Variants in AK9 observed in about 807,000 individuals in gnomAD.
The protein encoded by AK9 is adenylate kinase domain containing 1.
Under a neutral mutation model 239.6 loss-of-function variants are expected in AK9, and 191 were observed. The ratio of observed to expected loss-of-function variants is 0.80; its 90% CI spans 0.71 to 0.90. The LOEUF (loss-of-function observed/expected upper bound fraction) is 0.90. AK9 is among the 40% of genes least tolerant of loss of function. The pLI, the probability that AK9 is intolerant of heterozygous loss-of-function variation, is 0.00. For missense variants in AK9, 1,995 were observed against 2,214.7 expected (o/e 0.90, Z 1.99); for synonymous variants, 689 against 721.0 (o/e 0.96, Z 0.71).
At chr6:109,685,112 C>A (rs192835683) in intron 1 of AK9, among the ~76,000 whole-genome samples, 1 of 151,928 alleles carries the variant, frequency 6.6e-6, no homozygotes, top group Admixed American at 6.6e-5. Context: ...GAAATAGAGA[C>A]GCTTTTACAC....
At chr6:109,570,307 C>G (rs1409615326) in intron 21 of AK9, among the ~76,000 whole-genome samples, 1 of 151,924 alleles carries the variant, frequency 6.6e-6, no homozygotes, top group Non-Finnish European at 1.5e-5. Flanking sequence ...GGAGGGATAG[C>G]ATTAGGAGGT....
At chr6:109,564,938 T>G in intron 21 of AK9, 93 bp from the exon 22 acceptor site, 4 of 927,384 alleles carry the variant, frequency 4.3e-6, no homozygotes, top group Middle Eastern at 2.4e-4. Flanking sequence ...AAATATAGCT[T>G]AAATTGTATA....
chr6:109,506,251 AATTACAGT>A (rs1778107159), intron 35 of AK9, 68 bp downstream of exon 35: 3 of 1,353,008 alleles, frequency 2.2e-6, no homozygotes, highest in Non-Finnish European at 3.1e-6. Flanking sequence ...AAATGGAATG[AATTACAGT>A]AACATGAGTC....
At chr6:109,611,554 T>C (rs1793584762) in intron 16 of AK9, among the ~76,000 whole-genome samples, 1 of 151,032 alleles carries the variant, frequency 6.6e-6, no homozygotes, top group South Asian at 2.1e-4. Context: ...GCAGAGTTTG[T>C]GTGTGTGTGT....
At chr6:109,542,307 G>T in intron 26 of AK9, 136 bp from the exon 27 acceptor site, 1 of 787,406 alleles carries the variant, frequency 1.3e-6, no homozygotes, top group Non-Finnish European at 2.0e-6. Context: ...CACAGGCAGG[G>T]AAGGGTGTGT....
chr6:109,502,336 C>G (rs1036402212), intron 35 of AK9, among the ~76,000 whole-genome samples: 1 of 152,116 alleles, frequency 6.6e-6, no homozygotes, highest in Admixed American at 6.5e-5. Context: ...CACAAACAGA[C>G]AGATACGGAA....
chr6:109,661,252 A>G (rs2128317778), intron 6 of AK9, among the ~76,000 whole-genome samples: 1 of 152,330 alleles, frequency 6.6e-6, no homozygotes, highest in East Asian at 1.9e-4. Flanking sequence ...GACTTTATTC[A>G]CTACATTAAG....
At chr6:109,676,630 G>A (rs1771795290) in intron 1 of AK9, among the ~76,000 whole-genome samples, 1 of 151,424 alleles carries the variant, frequency 6.6e-6, no homozygotes, top group South Asian at 2.1e-4. Context: ...CCTAATTGTT[G>A]AAAATTAAAA....
chr6:109,504,058 A>G (rs2128102909), intron 35 of AK9, among the ~76,000 whole-genome samples: 1 of 152,328 alleles, frequency 6.6e-6, no homozygotes, highest in South Asian at 2.1e-4. Context: ...GTTGCTGGAT[A>G]AAATAAAGGA....
chr6:109,571,267 T>C (rs947183647), intron 21 of AK9, among the ~76,000 whole-genome samples: 3 of 152,150 alleles, frequency 2.0e-5, no homozygotes, highest in African/African-American at 4.8e-5. Context: ...CACAGCCTGT[T>C]CTAGTGGACT....
intron 10 of AK9, among the ~76,000 whole-genome samples, chr6:109,638,899 G>C (rs1406483690): frequency 1.3e-5 from 2 of 152,110 alleles, no homozygotes; most frequent in Non-Finnish European, 2.9e-5. Flanking sequence ...AGAACATGCA[G>C]TGTTTGGTTT....
At chr6:109,625,445 C>T (rs940505276) in intron 12 of AK9, among the ~76,000 whole-genome samples, 2 of 152,142 alleles carry the variant, frequency 1.3e-5, no homozygotes, top group Non-Finnish European at 2.9e-5. Flanking sequence ...GGTCTCCCAC[C>T]CTCAGGCCAT....
intron 1 of AK9, among the ~76,000 whole-genome samples, chr6:109,688,946 G>C (rs550038588): frequency 6.6e-6 from 1 of 152,294 alleles, no homozygotes; most frequent in African/African-American, 2.4e-5. Context: ...CTCTGAGACA[G>C]CTCTTGATGC....
chr6:109,516,341 T>C (rs1779276835), intron 30 of AK9, 89 bp downstream of exon 30: 2 of 1,146,264 alleles, frequency 1.7e-6, no homozygotes, highest in South Asian at 3.0e-5. Flanking sequence ...ATTTTTTAAA[T>C]GTTTAAAGAA....
chr6:109,493,853 AT>A, intron 40 of AK9, 127 bp downstream of exon 40: 1 of 749,512 alleles, frequency 1.3e-6, no homozygotes, highest in Non-Finnish European at 2.2e-6. Flanking sequence ...CCTGTATTGT[AT>A]TTGCTACTAA....
rs748851391 is a variant in AK9, at chr6:109,546,072, C to T, written c.3020G>A (p.Cys1007Tyr). 3.1e-6 allele frequency: 5 copies of T among 1,591,432 alleles called. No individual in the cohort carries two copies. The South Asian group carries it at 5.5e-5, about 18-fold the overall frequency. ...VGPQGSGKTM[C>Y]GRQLAEKLNI... Reference sequence around the variant, plus strand: ...TAATTTTTCTGCCAACTGTCTTCCACACATAGTTTTGCCAGAGCCCTGGGG... The same window carrying T: ...TAATTTTTCTGCCAACTGTCTTCCATACATAGTTTTGCCAGAGCCCTGGGG... The change falls in exon 26 of 41, where the codon TGT (cysteine) becomes TAT (tyrosine). Residue 1007 changes from cysteine (C) to tyrosine (Y), a missense_variant. Transcript: ENST00000424296.
rs763515400 is a variant in AK9 at position 109,632,953 on chromosome 6, G to A, written c.1224C>T (p.Cys408=). Residue 408 remains cysteine, a synonymous_variant, in exon 12 of 41, where the codon TGC becomes TGT. Transcript: ENST00000424296. The part of the protein sequence containing the change: ...GPQYSGKTTL[C]NMLAENYKGK... The stretch of plus-strand genomic sequence containing the variant: ...CTTTGTAATTTTCTGCAAGCATATT[G>A]CAAAGTGTTGTTTTCCCTGAATATT... The A allele has an allele frequency of 1.2e-6, 2 of 1,613,368 alleles. No individual in the cohort carries two copies. The highest frequency in any genetic ancestry group is 1.7e-6 in the Non-Finnish European group (2 of 1,179,776).
At chr6:109,620,255 C>T (rs1451476003) in intron 12 of AK9, among the ~76,000 whole-genome samples, 1 of 152,088 alleles carries the variant, frequency 6.6e-6, no homozygotes, top group Non-Finnish European at 1.5e-5. Flanking sequence ...AACAACTGAA[C>T]TATTTTACAT....
intron 30 of AK9, 70 bp downstream of exon 30, chr6:109,516,359 GA>G (rs1268621295): frequency 1.2e-4 from 150 of 1,288,712 alleles, no homozygotes; most frequent in Middle Eastern, 1.8e-4. Flanking sequence ...GAAATGGCAT[GA>G]ACTAAATTGC....
Sources: allele counts gnomAD v4.1 joint callset (sites outside exome capture counted in the v4.1 genomes callset), GRCh38; gene constraint gnomAD v4.1.1; transcripts MANE v1.5; gene names NCBI Gene and HGNC (gene_info 2026-07-23, HGNC 2026-07-21).